Variants in FAM111B observed in about 807,000 individuals in gnomAD.
FAM111B encodes the protein serine protease FAM111B.
A neutral mutation model predicts 2.8 loss-of-function variants in FAM111B; 1 was observed. The observed-to-expected ratio is 0.36, with a 90% CI of 0.13 to 1.70. The LOEUF (loss-of-function observed/expected upper bound fraction) is 1.70. FAM111B is among the 40% of genes most tolerant of loss of function. The probability of loss-of-function intolerance (pLI) is 0.35; values close to 1 mark genes in which losing one functional copy is unlikely to be tolerated. For synonymous variants in FAM111B, 297 were observed against 295.6 expected (o/e 1.00, Z -0.05); for missense variants, 882 against 878.9 (o/e 1.00, Z -0.04).
Position 59,125,765 on chromosome 11 carries a change from G to C in FAM111B, c.1668G>C (p.Ala556=), listed in dbSNP as rs377561044. 1 of 1,613,756 alleles carries C rather than the reference G, an allele frequency of 6.2e-7. No individual in the cohort carries two copies. Among genetic ancestry groups the C allele is most frequent in the Non-Finnish European group, 8.5e-7 (1 of 1,179,800 alleles). Residue 556 remains alanine (A), a synonymous_variant, in exon 4 of 4, where the codon GCG becomes GCC. Coordinates refer to ENST00000343597, the MANE Select transcript of FAM111B (RefSeq NM_198947.4). The part of the protein sequence containing the change: ...AILKLKENGN[A]FPPGLWRQIS... ...TAAAACTAAAAGAAAATGGAAATGC[G>C]TTTCCTCCAGGACTATGGCGACAGA...
Position 59,124,319 on chromosome 11 carries a change from G to C in FAM111B, c.222G>C (p.Leu74Phe), listed in dbSNP as rs200133001. ...CCCTTGAAATGCAGAATCCAAATTT[G>C]AACAATAAAGAATGTTGTTTCACCT... ...ETALEMQNPN[L>F]NNKECCFTFT... Residue 74 changes from leucine to phenylalanine, a missense_variant, in exon 4 of 4, where the codon TTG (leucine) becomes TTC (phenylalanine). Transcript: ENST00000343597. 12 of 1,613,726 alleles carry C rather than the reference G, an allele frequency of 7.4e-6. No homozygotes were observed. The East Asian group carries it at 2.7e-4, about 36-fold the overall frequency.
chr11:59,117,177 ATAC>A (rs1859851531), intron 3 of FAM111B, among the ~76,000 whole-genome samples: 1 of 152,160 alleles, frequency 6.6e-6, no homozygotes, highest in South Asian at 2.1e-4. Flanking sequence ...AGATCTTGCT[ATAC>A]CTTAAGCAGA....
Position 59,124,380 on chromosome 11 carries a change from A to G in FAM111B, c.283A>G (p.Ser95Gly). 6.2e-7 allele frequency: 1 copy of G among 1,613,818 alleles called. No homozygotes were observed. The highest frequency in any genetic ancestry group is 8.5e-7 in the Non-Finnish European group (1 of 1,179,822). ...TGGAAACTCCAGAAAATTAGACCGT[A>G]GTGTGTTTACAGCATATGGTAAACC... ...LNGNSRKLDR[S>G]VFTAYGKPSE... Residue 95 changes from serine (S) to glycine (G), a missense_variant, in exon 4 of 4, where the codon AGT becomes GGT. Ser to Gly is a moderately conservative substitution (Grantham distance 56, BLOSUM62 0). Coordinates refer to ENST00000343597, the MANE Select transcript of FAM111B (RefSeq NM_198947.4).
At chr11:59,118,164 A>G (rs1171970105) in intron 3 of FAM111B, among the ~76,000 whole-genome samples, 1 of 152,202 alleles carries the variant, frequency 6.6e-6, no homozygotes, top group Non-Finnish European at 1.5e-5. Context: ...CATAATTTGC[A>G]AAAAGGAGGA....
At position 59,126,042 on chromosome 11, in the gene FAM111B, T is replaced by C. The variant is rs1555014308; in HGVS notation, c.1945T>C (p.Ser649Pro). The change falls in exon 4 of 4, where the codon TCC (serine) becomes CCC (proline). Residue 649 changes from serine (S) to proline (P), a missense_variant. Coordinates refer to ENST00000343597, the MANE Select transcript of FAM111B (RefSeq NM_198947.4). Reference sequence around the variant, plus strand: ...TTATGATACTTGTTTCTCTGATGGGTCCTCAGGCTCCCCAGTGTTTAATGC... The same window carrying C: ...TTATGATACTTGTTTCTCTGATGGGCCCTCAGGCTCCCCAGTGTTTAATGC... ...LSYDTCFSDGSSGSPVFNASG... is the reference protein window; with the variant it reads ...LSYDTCFSDGPSGSPVFNASG... 4 of 1,613,852 alleles carry C rather than the reference T, an allele frequency of 2.5e-6. 1 individual carries two copies. In the South Asian group the frequency reaches 4.4e-5, roughly 18 times the overall value.
Position 59,124,304 on chromosome 11 carries a change from G to A in FAM111B, c.207G>A (p.Met69Ile). The change falls in exon 4 of 4, where the codon ATG becomes ATA. Residue 69 changes from methionine (M) to isoleucine (I), a missense_variant. Met to Ile is a conservative substitution (Grantham distance 10). Coordinates refer to ENST00000343597, the MANE Select transcript of FAM111B (RefSeq NM_198947.4). ...ACAAGCATGAAACAGCCCTTGAAATGCAGAATCCAAATTTGAACAATAAAG... is the reference window on the plus strand; with the variant it reads ...ACAAGCATGAAACAGCCCTTGAAATACAGAATCCAAATTTGAACAATAAAG... ...EVNKHETALE[M>I]QNPNLNNKEC... 6.2e-7 allele frequency: 1 copy of A among 1,613,816 alleles called. No individual in the cohort carries two copies. Among genetic ancestry groups the A allele is most frequent in the Non-Finnish European group, 8.5e-7 (1 of 1,179,808 alleles).
At position 59,125,220 on chromosome 11, in the gene FAM111B, G is replaced by A. The variant is rs1189744000; in HGVS notation, c.1123G>A (p.Ala375Thr). The A allele has an allele frequency of 6.2e-7, 1 of 1,613,940 alleles. No individual in the cohort carries two copies. Among genetic ancestry groups the A allele is most frequent in the East Asian group, 2.2e-5 (1 of 44,884 alleles). The change falls in exon 4 of 4, where the codon GCT (alanine) becomes ACT (threonine). Residue 375 changes from alanine to threonine, a missense_variant. By Grantham distance (58) the Ala-to-Thr change is moderately conservative. Transcript: ENST00000343597. ...RRRPHLGRRYAINLDVQKEAI... is the reference protein window; with the variant it reads ...RRRPHLGRRYTINLDVQKEAI... ...GAGGCCGCATCTGGGTAGGCGGTAT[G>A]CTATTAATCTGGATGTCCAAAAGGA...
chr11:59,109,203 A>T (rs941864269), intron 2 of FAM111B, among the ~76,000 whole-genome samples: 19 of 152,146 alleles, frequency 1.2e-4, no homozygotes, highest in African/African-American at 4.6e-4. Flanking sequence ...CCACTCATGC[A>T]TTGACCAAGC....
chr11:59,116,685 A>G lies in FAM111B; in HGVS notation c.81+6979A>G, dbSNP rs185260291. The stretch of plus-strand genomic sequence containing the variant: ...GGTCAGCTGTCCTTTGCCTTAAGTC[A>G]GGGGTTCTCAAAGCCTGGACCCTAG... On this transcript the variant is annotated intron_variant, in intron 3 of 3. Coordinates refer to ENST00000343597, the MANE Select transcript of FAM111B (RefSeq NM_198947.4). Among the ~76,000 whole-genome samples the G allele has an allele frequency of 3.9e-5, 6 of 152,360 alleles. No individual in the cohort carries two copies. The East Asian group carries it at 1.2e-3, about 29-fold the overall frequency.
At chr11:59,107,366 A>C (rs1200985013) in intron 1 of FAM111B, 70 bp downstream of exon 1, 1 of 152,402 alleles carries the variant, frequency 6.6e-6, no homozygotes, top group Non-Finnish European at 1.5e-5. Context: ...GGCAGTAGGC[A>C]GAAGGACCTC....
rs1860036644 is a variant in FAM111B, at chr11:59,126,418, ATCT to A, written c.*120_*122del. The A allele has an allele frequency of 2.6e-6, 2 of 783,892 alleles. No homozygotes were observed. Among genetic ancestry groups the A allele is most frequent in the Middle Eastern group, 3.7e-4 (1 of 2,730 alleles). The allele number at this position is 783,892 out of a possible 1,614,324, so 48.6% of individuals were successfully genotyped here. A position where few individuals can be genotyped will look rare whatever the true frequency, so the allele number is the denominator to read the frequency against. Reference sequence around the variant, plus strand: ...AAATTGGCAAATGAGACCTAATTAAATCTTCTGCACAGCAAAAGAAACTATCAA... The same window carrying A: ...AAATTGGCAAATGAGACCTAATTAAATCTGCACAGCAAAAGAAACTATCAA... On this transcript the variant is annotated 3_prime_UTR_variant, in exon 4 of 4. Coordinates refer to ENST00000343597, the MANE Select transcript of FAM111B (RefSeq NM_198947.4).
At chr11:59,111,857 A>T (rs571932330) in intron 3 of FAM111B, among the ~76,000 whole-genome samples, 1 of 152,342 alleles carries the variant, frequency 6.6e-6, no homozygotes, top group East Asian at 1.9e-4. Context: ...GCAAGGGAAT[A>T]TAAATTCAGA....
chr11:59,119,764 G>A (rs994508421), intron 3 of FAM111B, among the ~76,000 whole-genome samples: 3 of 152,158 alleles, frequency 2.0e-5, no homozygotes, highest in Non-Finnish European at 4.4e-5. Context: ...AGGGAGAATA[G>A]AGGAGTGCTC....
chr11:59,114,317 T>G (rs1859807709), intron 3 of FAM111B, among the ~76,000 whole-genome samples: 1 of 151,926 alleles, frequency 6.6e-6, no homozygotes, highest in Non-Finnish European at 1.5e-5. Flanking sequence ...CCCATGGGCC[T>G]TGGAAAAGAG....
chr11:59,122,229 A>C (rs1859934581), intron 3 of FAM111B, among the ~76,000 whole-genome samples: 1 of 152,248 alleles, frequency 6.6e-6, no homozygotes, highest in Admixed American at 6.5e-5. Flanking sequence ...ATAAAATCAA[A>C]ACCAGCAAAA....
chr11:59,107,718 T>C (rs866664884), intron 1 of FAM111B, among the ~76,000 whole-genome samples: 2 of 152,122 alleles, frequency 1.3e-5, no homozygotes, highest in Non-Finnish European at 2.9e-5. Flanking sequence ...AAAGCAAGGA[T>C]TTCTGGAAAG....
chr11:59,122,101 C>T (rs764065464), intron 3 of FAM111B, among the ~76,000 whole-genome samples: 73 of 152,100 alleles, frequency 4.8e-4, no homozygotes, highest in Non-Finnish European at 9.3e-4. Context: ...GAGATTGTGC[C>T]ACTGCACTCC....
chr11:59,126,198 T>G lies in FAM111B; in HGVS notation c.2101T>G (p.Leu701Val). The G allele has an allele frequency of 6.2e-7, 1 of 1,609,970 alleles. No homozygotes were observed. Residue 701 changes from leucine to valine, a missense_variant, in exon 4 of 4, where the codon TTG (leucine) becomes GTG (valine). Coordinates refer to ENST00000343597, the MANE Select transcript of FAM111B (RefSeq NM_198947.4). Reference protein sequence around the residue: ...LCDIKKTNESLYKSLNDEKLE... With the variant: ...LCDIKKTNESVYKSLNDEKLE... ...TGATATTAAAAAGACAAATGAGAGC[T>G]TGTATAAATCATTAAATGATGAGAA...
At chr11:59,108,162 A>G (rs1258358178) in intron 1 of FAM111B, among the ~76,000 whole-genome samples, 1 of 152,246 alleles carries the variant, frequency 6.6e-6, no homozygotes, top group African/African-American at 2.4e-5. Flanking sequence ...TAAAAAGCTT[A>G]GAGGAACCAA....
Sources: gnomAD v4.1 joint callset for allele counts (sites outside exome capture counted in the v4.1 genomes callset) on GRCh38, gnomAD v4.1.1 for gene constraint, MANE v1.5 for transcripts, NCBI Gene and HGNC (gene_info 2026-07-23, HGNC 2026-07-21) for gene names.